Variants in PARVB observed in about 807,000 individuals in gnomAD.
PARVB encodes beta-parvin.
Under a neutral mutation model 47.0 loss-of-function variants are expected in PARVB, and 46 were observed. The observed-to-expected ratio is 0.98, with a 90% CI of 0.77 to 1.25. The LOEUF (loss-of-function observed/expected upper bound fraction) is 1.25, where lower values mean the gene tolerates loss of function less well. PARVB is among the 50% of genes most tolerant of loss of function. The pLI is 0.00. For missense variants in PARVB, 473 were observed against 471.6 expected (o/e 1.00, Z -0.03); for synonymous variants, 196 against 196.3 (o/e 1.00, Z 0.01).
At chr22:44,050,584 C>T (rs2051191367) in intron 1 of PARVB, among the ~76,000 whole-genome samples, 1 of 152,110 alleles carries the variant, frequency 6.6e-6, no homozygotes, top group African/African-American at 2.4e-5. Flanking sequence ...GTGATCCTCC[C>T]ACCTCAGCCT....
rs35824884 is a variant in PARVB at position 44,170,005 on chromosome 22, ATTT to A, written c.*1342_*1344del. The A allele has an allele frequency of 4.0e-4, 51 of 127,820 alleles. No individual in the cohort carries two copies. The highest frequency in any genetic ancestry group is 4.8e-4 in the African/African-American group (15 of 30,932). 7.9% of individuals were successfully genotyped at this position (127,820 alleles called of 1,614,324 possible). A position where few individuals can be genotyped will look rare whatever the true frequency, so the allele number is the denominator to read the frequency against. On this transcript the variant is annotated 3_prime_UTR_variant, in exon 13 of 13. Coordinates refer to ENST00000338758, the MANE Select transcript of PARVB (RefSeq NM_013327.5). ...AGGCGTGAGCCACTGTGCCCAGCCT[ATTT>A]TTTTTTTTTTTTTTGAGACAAGTTC...
intron 1 of PARVB, among the ~76,000 whole-genome samples, chr22:44,040,225 A>G (rs989708787): frequency 2.0e-5 from 3 of 152,226 alleles, no homozygotes; most frequent in Non-Finnish European, 4.4e-5. Context: ...AGAACTATAA[A>G]TAAATACTGA....
chr22:44,167,137 CT>C (rs139092), intron 12 of PARVB, among the ~76,000 whole-genome samples: 3,855 of 152,324 alleles, frequency 0.025, 77 homozygotes, highest in Non-Finnish European at 0.041. Context: ...CCCCTGCCCC[CT>C]TGTGGGGACC....
At chr22:44,007,290 G>A (rs1035046373) in intron 2 of PARVB, among the ~76,000 whole-genome samples, 3 of 152,196 alleles carry the variant, frequency 2.0e-5, no homozygotes, top group African/African-American at 7.2e-5. Context: ...GCTGGGGGGA[G>A]TGGAGTCTCC....
At chr22:44,092,722 T>C (rs900653355) in intron 1 of PARVB, among the ~76,000 whole-genome samples, 2 of 152,120 alleles carry the variant, frequency 1.3e-5, no homozygotes, top group African/African-American at 2.4e-5. Flanking sequence ...TATGGAGAAA[T>C]AGGTGCAGAG....
At chr22:44,056,991 G>GCGTTTTTGT (rs1601537571) in intron 1 of PARVB, among the ~76,000 whole-genome samples, 1 of 80,788 alleles carries the variant, frequency 1.2e-5, no homozygotes, top group Non-Finnish European at 2.6e-5. Context: ...TGAGCTGGGG[G>GCGTTTTTGT]TGGAGCTGGG....
chr22:44,053,370 C>A (rs757164541), intron 1 of PARVB, among the ~76,000 whole-genome samples: 20 of 152,036 alleles, frequency 1.3e-4, no homozygotes, highest in Admixed American at 7.2e-4. Flanking sequence ...GCATGAGCCA[C>A]CGCGCCCAGC....
intron 3 of PARVB, chr22:44,104,792 G>C (rs1189552360): frequency 6.6e-6 from 1 of 152,216 alleles, no homozygotes; most frequent in African/African-American, 2.4e-5. Context: ...AGGTGAAAGG[G>C]GACATCCCAC....
At chr22:44,147,455 C>T (rs2053709066) in intron 8 of PARVB, 3 of 357,094 alleles carry the variant, frequency 8.4e-6, no homozygotes, top group South Asian at 4.2e-5. Flanking sequence ...TGGCCACCGT[C>T]GCGGGGGAAG....
Position 44,103,804 on chromosome 22 carries a change from C to CA in PARVB, c.273+3682dup, listed in dbSNP as rs748629253. ...AGAAGGGGCCATGCACTAATGGATG[C>CA]AGGCGGCCTCTGCCTCTAGAAGTGG... is the stretch of plus-strand genomic sequence containing the variant. On this transcript the variant is annotated intron_variant, in intron 3 of 12. Transcript: ENST00000338758. This position sits in a 1 kb window ranked among gnomAD's most constrained non-coding sequence, Gnocchi z 4.6. The CA allele has an allele frequency of 3.9e-5, 6 of 152,244 alleles. No individual in the cohort carries two copies. The highest frequency in any genetic ancestry group is 6.5e-5 in the Admixed American group (1 of 15,280). 9.4% of individuals were successfully genotyped at this position (152,244 alleles called of 1,614,324 possible).
intron 3 of PARVB, among the ~76,000 whole-genome samples, chr22:44,100,459 C>T (rs553080811): frequency 3.9e-5 from 6 of 152,178 alleles, no homozygotes; most frequent in East Asian, 1.9e-4. Context: ...GTTGGAACTC[C>T]GTCTGGAGCC....
At chr22:44,026,435 A>G in intron 1 of PARVB, 1 of 741,188 alleles carries the variant, frequency 1.3e-6, no homozygotes. Flanking sequence ...ACAGAGGGCC[A>G]CAAACCCTCC....
At chr22:44,107,855 A>T (rs1334145214) in intron 3 of PARVB, 1 of 151,820 alleles carries the variant, frequency 6.6e-6, no homozygotes, top group Non-Finnish European at 1.5e-5. Flanking sequence ...AGTGTTTCTT[A>T]TTAATTACAC....
chr22:44,155,609 G>T lies in PARVB; in HGVS notation c.844-2373G>T, dbSNP rs1329539856. ...GTGGGTTGGTGCCTTCATTCACGTG[G>T]CAGCTTCCATTCCCTGGAAGTTAGT... is the stretch of plus-strand genomic sequence containing the variant. On this transcript the variant is annotated intron_variant, in intron 10 of 12. Transcript: ENST00000338758. This position sits in a 1 kb window ranked among gnomAD's most constrained non-coding sequence, Gnocchi z 4.8. Among the ~76,000 whole-genome samples, 1 of 152,182 alleles carries T rather than the reference G, an allele frequency of 6.6e-6. No homozygotes were observed. Among genetic ancestry groups the T allele is most frequent in the Non-Finnish European group, 1.5e-5 (1 of 68,030 alleles).
chr22:44,013,043 C>T (rs371880327), intron 2 of PARVB, among the ~76,000 whole-genome samples: 22 of 152,060 alleles, frequency 1.4e-4, no homozygotes, highest in East Asian at 9.7e-4. Context: ...ACTACAGGCA[C>T]GCACCACCAC....
chr22:44,069,795 C>T (rs2051615036), intron 1 of PARVB, among the ~76,000 whole-genome samples: 1 of 152,220 alleles, frequency 6.6e-6, no homozygotes, highest in Non-Finnish European at 1.5e-5. Context: ...TCCCAAAATG[C>T]TGGGATTACA....
At chr22:44,022,666 G>T (rs1446652833), upstream of PARVB, among the ~76,000 whole-genome samples, 2 of 152,078 alleles carry the variant, frequency 1.3e-5, no homozygotes, top group Non-Finnish European at 2.9e-5. Context: ...CTCCCCAGGT[G>T]CCGTCCTCTG....
At chr22:44,078,933 G>A (rs2051837065) in intron 1 of PARVB, among the ~76,000 whole-genome samples, 1 of 152,132 alleles carries the variant, frequency 6.6e-6, no homozygotes, top group Non-Finnish European at 1.5e-5. Flanking sequence ...TACCATGTTG[G>A]CCAGGCTGGT....
At chr22:44,114,922 C>G (rs1306051945) in intron 3 of PARVB, 1 of 115,460 alleles carries the variant, frequency 8.7e-6, no homozygotes, top group Admixed American at 8.2e-5. Context: ...TGTACCAACA[C>G]AGATATATTG....
Sources: allele counts gnomAD v4.1 joint callset (sites outside exome capture counted in the v4.1 genomes callset), GRCh38; gene constraint gnomAD v4.1.1; non-coding constraint Gnocchi (gnomAD v3.1); transcripts MANE v1.5; gene names NCBI Gene and HGNC (gene_info 2026-07-23, HGNC 2026-07-21).